The following HERC1 variants were observed in gnomAD, a reference collection of about 807,000 sequenced individuals.
HERC1 encodes the protein probable E3 ubiquitin-protein ligase HERC1.
A neutral mutation model predicts 554.3 loss-of-function variants in HERC1; 160 were observed. That is an observed-to-expected ratio of 0.29 (90% CI 0.25 to 0.33). HERC1 has a LOEUF of 0.33. Ranked by LOEUF, HERC1 falls within the 10% of genes least tolerant of loss-of-function variation. The pLI is 1.00. For synonymous variants in HERC1, 2,175 were observed against 2,131.7 expected (o/e 1.02, Z -0.56); for missense variants, 4,919 against 5,918.5 (o/e 0.83, Z 5.54).
At chr15:63,687,462 G>A (rs982685001) in intron 33 of HERC1, among the ~76,000 whole-genome samples, 4 of 151,880 alleles carry the variant, frequency 2.6e-5, no homozygotes, top group East Asian at 1.9e-4. Context: ...CGCTTGAACC[G>A]GGGAGGCAGA....
In HERC1 at chr15:63,643,007, T is replaced by C. The variant is rs1322324588; in HGVS notation, c.11383A>G (p.Thr3795Ala). The change falls in exon 59 of 78, where the codon ACA becomes GCA. Residue 3795 changes from threonine to alanine, a missense_variant. Coordinates refer to ENST00000443617, the MANE Select transcript of HERC1 (RefSeq NM_003922.4). The stretch of plus-strand genomic sequence containing the variant: ...ACTCCAACTTCTGGAATCCATACTG[T>C]GGTCTGAATAGCTCCAGAGCCTATC... ...VVIGSGAIQT[T>A]VWIPEVGVAA... The C allele has an allele frequency of 1.9e-6, 3 of 1,613,278 alleles. No homozygotes were observed. Among genetic ancestry groups the C allele is most frequent in the African/African-American group, 1.3e-5 (1 of 75,054 alleles).
intron 1 of HERC1, among the ~76,000 whole-genome samples, chr15:63,821,369 A>G (rs1216169666): frequency 6.6e-6 from 1 of 151,888 alleles, no homozygotes; most frequent in African/African-American, 2.4e-5. Flanking sequence ...CCTGACCAAC[A>G]TAGCAAAACC....
chr15:63,754,786 A>C (rs1330726628), intron 6 of HERC1, 138 bp from the exon 7 acceptor site: 2 of 838,402 alleles, frequency 2.4e-6, no homozygotes, highest in Non-Finnish European at 3.6e-6. Flanking sequence ...TGAAAAACAC[A>C]ATCATTTCTA....
chr15:63,633,783 T>C (rs1466712480), intron 67 of HERC1, 65 bp downstream of exon 67: 2 of 1,507,962 alleles, frequency 1.3e-6, no homozygotes, highest in African/African-American at 1.4e-5. Context: ...CAACTAATAA[T>C]AACTACTGAC....
chr15:63,807,177 G>T (rs2077164376), intron 1 of HERC1, among the ~76,000 whole-genome samples: 1 of 151,982 alleles, frequency 6.6e-6, no homozygotes, highest in African/African-American at 2.4e-5. Context: ...TTCTCTATTT[G>T]CCCCCAACCT....
chr15:63,614,343 T>C (rs1327497133), intron 76 of HERC1, among the ~76,000 whole-genome samples: 1 of 152,140 alleles, frequency 6.6e-6, no homozygotes, highest in Non-Finnish European at 1.5e-5. Context: ...ACAGAGTAAC[T>C]ATGGGAAAAA....
intron 1 of HERC1, among the ~76,000 whole-genome samples, chr15:63,808,836 GA>G (rs959256390): frequency 2.0e-5 from 3 of 152,122 alleles, no homozygotes; most frequent in South Asian, 2.1e-4. Context: ...ATTGTCTGTA[GA>G]AAAAAATCAC....
In HERC1 at chr15:63,634,854, G is replaced by A; in HGVS notation, c.12449C>T (p.Thr4150Ile). The change falls in exon 66 of 78, where the codon ACT (threonine) becomes ATT (isoleucine). Residue 4150 changes from threonine (T) to isoleucine (I), a missense_variant. Physicochemically the swap from Thr to Ile is moderately conservative, Grantham distance 89. Coordinates refer to ENST00000443617, the MANE Select transcript of HERC1 (RefSeq NM_003922.4). Reference protein sequence around the residue: ...SCGFKHSAVVTSDGKLFTFGN... With the variant: ...SCGFKHSAVVISDGKLFTFGN... Reference sequence around the variant, plus strand: ...AAAGGTGAACAGTTTGCCATCTGAAGTGACCACTGCTGAGTGCTTGAAGCC... The same window carrying A: ...AAAGGTGAACAGTTTGCCATCTGAAATGACCACTGCTGAGTGCTTGAAGCC... 6.2e-7 allele frequency: 1 copy of A among 1,613,696 alleles called. No individual in the cohort carries two copies. The highest frequency in any genetic ancestry group is 8.5e-7 in the Non-Finnish European group (1 of 1,179,780).
intron 19 of HERC1, among the ~76,000 whole-genome samples, chr15:63,722,839 G>A (rs1162691078): frequency 6.6e-6 from 1 of 152,106 alleles, no homozygotes; most frequent in Non-Finnish European, 1.5e-5. Flanking sequence ...TGTATATAAG[G>A]TACGGTACTA....
chr15:63,643,627 AAAT>A, intron 57 of HERC1, 77 bp from the exon 58 acceptor site: 1 of 1,119,716 alleles, frequency 8.9e-7, no homozygotes, highest in Non-Finnish European at 1.2e-6. Flanking sequence ...TCACTCTTGG[AAAT>A]TTTATATTTC....
rs1417796535 is a variant in HERC1 at position 63,659,883 on chromosome 15, C to T, written c.9277G>A (p.Glu3093Lys). ...AGCGGTCCAGCAAGTAATTCAAATT[C>T]TTCTTCACCAGTTAGCTTTTCATCT... ...DEDEKLTGEE[E>K]FELLAGPLGL... Residue 3093 changes from glutamate (E) to lysine (K), a missense_variant, in exon 47 of 78, where the codon GAA becomes AAA. By Grantham distance (56) the Glu-to-Lys change is moderately conservative (BLOSUM62 1). Around this residue, in one of 11 missense-constraint regions of HERC1, gnomAD observed 1,963 missense variants for 2,228.6 expected, o/e 0.88. Transcript: ENST00000443617. 1 of 1,613,746 alleles carries T rather than the reference C, an allele frequency of 6.2e-7. No individual in the cohort carries two copies. Among genetic ancestry groups the T allele is most frequent in the Non-Finnish European group, 8.5e-7 (1 of 1,179,826 alleles).
intron 1 of HERC1, among the ~76,000 whole-genome samples, chr15:63,789,078 GTTTT>G (rs71131178): frequency 1.1e-4 from 9 of 83,602 alleles, no homozygotes; most frequent in South Asian, 3.8e-4. Context: ...GGAATAAAAG[GTTTT>G]TTTTTTTTTT....
chr15:63,659,433 T>A (rs2152924429), intron 47 of HERC1, among the ~76,000 whole-genome samples: 1 of 152,174 alleles, frequency 6.6e-6, no homozygotes, highest in Non-Finnish European at 1.5e-5. Flanking sequence ...TTCATTTTTT[T>A]AATAGAAATG....
At chr15:63,805,533 G>A (rs1039118320) in intron 1 of HERC1, among the ~76,000 whole-genome samples, 2 of 152,188 alleles carry the variant, frequency 1.3e-5, no homozygotes, top group African/African-American at 2.4e-5. Context: ...TGGGTATGAT[G>A]AAAAGAGACT....
At chr15:63,798,930 G>A (rs188052784) in intron 1 of HERC1, among the ~76,000 whole-genome samples, 1 of 152,056 alleles carries the variant, frequency 6.6e-6, no homozygotes, top group East Asian at 1.9e-4. Flanking sequence ...CAGGTTTGGG[G>A]GTGTCCCAAT....
At chr15:63,825,313 G>C (rs1873241607) in intron 1 of HERC1, among the ~76,000 whole-genome samples, 1 of 151,926 alleles carries the variant, frequency 6.6e-6, no homozygotes, top group African/African-American at 2.4e-5. Flanking sequence ...AATAAATAAA[G>C]TTAGCAAGAG....
chr15:63,699,076 G>T, intron 25 of HERC1, 80 bp from the exon 26 acceptor site: 1 of 1,275,196 alleles, frequency 7.8e-7, no homozygotes, highest in Non-Finnish European at 1.1e-6. Flanking sequence ...GCTGAGTGCT[G>T]CTACCATAAC....
chr15:63,733,250 T>C, intron 13 of HERC1, 105 bp from the exon 14 acceptor site: 1 of 702,762 alleles, frequency 1.4e-6, no homozygotes. Context: ...ACTAGCTTAA[T>C]AAATAATCAT....
At chr15:63,757,983 C>T (rs1213355000) in intron 4 of HERC1, among the ~76,000 whole-genome samples, 192 bp downstream of exon 4, 6 of 152,198 alleles carry the variant, frequency 3.9e-5, no homozygotes, top group Non-Finnish European at 1.5e-5. Context: ...GCTGGGATTA[C>T]AGGCGTGAGC....
Sources: allele counts gnomAD v4.1 joint callset (sites outside exome capture counted in the v4.1 genomes callset), GRCh38; gene constraint gnomAD v4.1.1; regional missense constraint gnomAD v4.1.1; transcripts MANE v1.5; gene names NCBI Gene and HGNC (gene_info 2026-07-23, HGNC 2026-07-21).